Variants in RBMS3 observed in about 807,000 individuals in gnomAD.
The protein encoded by RBMS3 is RNA-binding motif, single-stranded-interacting protein 3.
RBMS3 carries 27 observed loss-of-function variants against 66.8 expected under a neutral mutation model. That is an observed-to-expected ratio of 0.40 (90% CI 0.30 to 0.56). RBMS3 has a LOEUF of 0.56. Ranked by LOEUF, RBMS3 falls within the 20% of genes least tolerant of loss-of-function variation. The pLI is 0.40. For synonymous variants in RBMS3, 188 were observed against 183.0 expected (o/e 1.03, Z -0.22); for missense variants, 513 against 549.5 (o/e 0.93, Z 0.66).
chr3:29,325,721 T>C (rs1431300018), intron 1 of RBMS3, among the ~76,000 whole-genome samples: 1 of 151,938 alleles, frequency 6.6e-6, no homozygotes, highest in Non-Finnish European at 1.5e-5. Flanking sequence ...AACTCACAGG[T>C]GTTCTTCTAG....
At chr3:29,601,517 T>C (rs887473463) in intron 4 of RBMS3, among the ~76,000 whole-genome samples, 1 of 151,520 alleles carries the variant, frequency 6.6e-6, no homozygotes, top group African/African-American at 2.4e-5. Flanking sequence ...ATACTCAGTA[T>C]GATGAAGTGA....
chr3:29,522,732 A>G (rs2044911314), intron 3 of RBMS3, among the ~76,000 whole-genome samples: 1 of 152,148 alleles, frequency 6.6e-6, no homozygotes, highest in Non-Finnish European at 1.5e-5. Context: ...TTCGTCTGCC[A>G]ATACTACCCA....
chr3:29,835,300 C>G (rs928164423), intron 6 of RBMS3, among the ~76,000 whole-genome samples: 2 of 151,924 alleles, frequency 1.3e-5, no homozygotes, highest in Non-Finnish European at 2.9e-5. Context: ...AGCAGACATA[C>G]AAAAGACTCC....
chr3:29,904,509 AC>A (rs1177739946), intron 10 of RBMS3, among the ~76,000 whole-genome samples: 2 of 151,992 alleles, frequency 1.3e-5, no homozygotes, highest in African/African-American at 4.8e-5. Flanking sequence ...AATTTTGCTA[AC>A]AGCTCCATTG....
chr3:29,545,943 T>C (rs1042677617), intron 3 of RBMS3, among the ~76,000 whole-genome samples: 1 of 152,236 alleles, frequency 6.6e-6, no homozygotes, highest in Non-Finnish European at 1.5e-5. Context: ...TTATGAATTA[T>C]TTTTAAACAT....
Position 29,899,686 on chromosome 3 carries a change from A to C in RBMS3, c.889-19A>C, listed in dbSNP as rs1000416896. ...TCTCTATGATTGCTTTGTGCTAATA[A>C]ATGCTGTTTGATGCATAGGTCCAGA... On this transcript the variant is annotated intron_variant, in intron 9 of 14. Transcript: ENST00000383767. The C allele has an allele frequency of 1.0e-5, 16 of 1,607,410 alleles. No homozygotes were observed. The African/African-American group carries it at 1.7e-4, about 18-fold the overall frequency.
At chr3:29,618,605 T>C (rs747464592) in intron 4 of RBMS3, among the ~76,000 whole-genome samples, 27 of 152,064 alleles carry the variant, frequency 1.8e-4, no homozygotes, top group Non-Finnish European at 3.4e-4. Context: ...GGATAGGTAA[T>C]GGTATAATGA....
At chr3:29,422,412 A>AAG (rs11408206) in intron 1 of RBMS3, among the ~76,000 whole-genome samples, 2 of 150,930 alleles carry the variant, frequency 1.3e-5, no homozygotes, top group East Asian at 3.9e-4. Flanking sequence ...AAAAAAAAAA[A>AAG]TCTCCAGTAA....
At chr3:30,003,757 C>G (rs921616028) in intron 14 of RBMS3, 99 bp from the exon 15 acceptor site, 16 of 791,942 alleles carry the variant, frequency 2.0e-5, no homozygotes, top group African/African-American at 1.1e-4. Context: ...ACATTGAAAG[C>G]TTGGTATCTT....
At chr3:29,983,972 G>C (rs1698188472) in intron 12 of RBMS3, among the ~76,000 whole-genome samples, 1 of 152,008 alleles carries the variant, frequency 6.6e-6, no homozygotes. Context: ...GCTAGGTTGG[G>C]GAAGTTCTCC....
At chr3:29,493,336 G>A (rs1314973462) in intron 3 of RBMS3, among the ~76,000 whole-genome samples, 2 of 152,174 alleles carry the variant, frequency 1.3e-5, no homozygotes, top group Non-Finnish European at 2.9e-5. Flanking sequence ...TGCCTGGGTT[G>A]AACGCTGCCT....
intron 7 of RBMS3, among the ~76,000 whole-genome samples, chr3:29,869,490 T>A (rs2059438935): frequency 6.6e-6 from 1 of 152,064 alleles, no homozygotes; most frequent in Admixed American, 6.6e-5. Context: ...CACACACATA[T>A]ATAAAATAAG....
Position 29,990,460 on chromosome 3 carries a change from CAA to C in RBMS3, c.1180-600_1180-599del, listed in dbSNP as rs10596526. 1.8e-3 allele frequency among the ~76,000 whole-genome samples: 191 copies of C among 106,496 alleles called. 1 individual carries two copies. The highest frequency in any genetic ancestry group is 3.6e-3 in the African/African-American group (100 of 27,754). The allele number at this position is 106,496 out of a possible 152,430, so 69.9% of individuals were successfully genotyped here. On this transcript the variant is annotated intron_variant, in intron 13 of 14. Coordinates refer to ENST00000383767, the MANE Select transcript of RBMS3 (RefSeq NM_001003793.3). The stretch of plus-strand genomic sequence containing the variant: ...CACTCTTGCCAGCATCTGTGAGAAA[CAA>C]AAAAAAAAAAAAAAAAAAAAATAGG...
At chr3:29,425,207 C>A (rs866182901) in intron 1 of RBMS3, among the ~76,000 whole-genome samples, 40 of 98,866 alleles carry the variant, frequency 4.0e-4, no homozygotes, top group East Asian at 9.7e-4. Flanking sequence ...AAAAACCCCC[C>A]AAAAAAAACA....
intron 1 of RBMS3, among the ~76,000 whole-genome samples, chr3:29,332,752 A>G (rs147253484): frequency 2.0e-5 from 3 of 152,336 alleles, no homozygotes; most frequent in Admixed American, 1.3e-4. Context: ...ATCTGGCACT[A>G]TATTTCTTGC....
chr3:29,899,051 G>A (rs907804852), intron 9 of RBMS3, among the ~76,000 whole-genome samples: 10 of 151,626 alleles, frequency 6.6e-5, no homozygotes, highest in East Asian at 3.9e-4. Flanking sequence ...AGTTCTCCAC[G>A]TGACATTCAG....
At chr3:29,979,176 CAACAACAAT>C (rs143421853) in intron 12 of RBMS3, among the ~76,000 whole-genome samples, 7 of 151,670 alleles carry the variant, frequency 4.6e-5, no homozygotes, top group African/African-American at 1.7e-4. Flanking sequence ...ACAACAACAA[CAACAACAAT>C]GACAAAACTG....
intron 4 of RBMS3, among the ~76,000 whole-genome samples, chr3:29,599,406 A>G (rs1263386097): frequency 6.6e-6 from 1 of 151,978 alleles, no homozygotes; most frequent in Non-Finnish European, 1.5e-5. Flanking sequence ...TTTAAAAAAA[A>G]AAGATAAATC....
At chr3:29,401,976 A>C (rs985973130) in intron 1 of RBMS3, among the ~76,000 whole-genome samples, 3 of 152,060 alleles carry the variant, frequency 2.0e-5, no homozygotes, top group Non-Finnish European at 2.9e-5. Context: ...CACATCAAGA[A>C]TGTTAGTGAA....
Sources: gnomAD v4.1 joint callset for allele counts (sites outside exome capture counted in the v4.1 genomes callset) on GRCh38, gnomAD v4.1.1 for gene constraint, MANE v1.5 for transcripts, NCBI Gene and HGNC (gene_info 2026-07-23, HGNC 2026-07-21) for gene names.